Variants in HPCAL1 observed in about 807,000 individuals in gnomAD.
The protein encoded by HPCAL1 is hippocalcin like 1, also known as hippocalcin-like protein 1.
Under a neutral mutation model 17.1 loss-of-function variants are expected in HPCAL1, and 8 were observed. That is an observed-to-expected ratio of 0.47 (90% CI 0.27 to 0.84). The LOEUF (loss-of-function observed/expected upper bound fraction) is 0.84. Among genes scored for constraint, HPCAL1 ranks in the 40% least tolerant of loss-of-function variants. The pLI, the probability that HPCAL1 is intolerant of heterozygous loss-of-function variation, is 0.13. For missense variants in HPCAL1, 165 were observed against 271.1 expected, an observed-to-expected ratio of 0.61 and a Z score of 2.75; for synonymous variants, 112 against 111.4, an observed-to-expected ratio of 1.01 and a Z score of -0.03.
At chr2:10,324,816 G>GTTTTTTTTTTTT (rs3036350) in intron 1 of HPCAL1, among the ~76,000 whole-genome samples, 4 of 66,382 alleles carry the variant, frequency 6.0e-5, no homozygotes, top group Non-Finnish European at 1.0e-4. Context: ...TGGTTTTTGT[G>GTTTTTTTTTTTT]TTTTTTTTTT....
chr2:10,363,749 G>C lies in HPCAL1; in HGVS notation c.-110-33086G>C, dbSNP rs1295594752. ...ACAGTTTGGGCACGGCAAGGCTGGG[G>C]AGCCAGGCTTGTTTCGGATCTCCAG... On this transcript the variant is annotated intron_variant, in intron 1 of 4. Coordinates refer to ENST00000307845, the MANE Select transcript of HPCAL1 (RefSeq NM_002149.4). The surrounding 1 kb of genome is among the most constrained non-coding windows in gnomAD (Gnocchi z 4.7). Among the ~76,000 whole-genome samples, 1 of 152,234 alleles carries C rather than the reference G, an allele frequency of 6.6e-6. No homozygotes were observed. Among genetic ancestry groups the C allele is most frequent in the South Asian group, 2.1e-4 (1 of 4,834 alleles).
intron 2 of HPCAL1, among the ~76,000 whole-genome samples, chr2:10,417,067 A>G (rs748686927): frequency 2.0e-5 from 3 of 152,148 alleles, no homozygotes; most frequent in Non-Finnish European, 4.4e-5. Flanking sequence ...CTCTCTTAAT[A>G]AAAAGTCCCC....
Position 10,333,203 on chromosome 2 carries a change from G to A in HPCAL1, c.-111+30026G>A, listed in dbSNP as rs992711856. On this transcript the variant is annotated intron_variant, in intron 1 of 4. Transcript: ENST00000307845. ...TTTTAAAGTTTACTAATTTCCCTAC[G>A]ATAAAACTAATGCATTTTCACAGGA... Among the ~76,000 whole-genome samples, 12 of 152,304 alleles carry A rather than the reference G, an allele frequency of 7.9e-5. 1 individual carries two copies. The highest frequency in any genetic ancestry group is 6.5e-5 in the Admixed American group (1 of 15,296).
chr2:10,383,676 CA>C (rs79560781), intron 1 of HPCAL1, among the ~76,000 whole-genome samples: 8 of 128,056 alleles, frequency 6.2e-5, no homozygotes, highest in Admixed American at 8.1e-5. Context: ...GACCCTTTCT[CA>C]AAAAAAAAAG....
intron 1 of HPCAL1, among the ~76,000 whole-genome samples, chr2:10,351,873 C>A (rs1665860949): frequency 6.6e-6 from 1 of 151,802 alleles, no homozygotes; most frequent in African/African-American, 2.4e-5. Context: ...AGTTGTGTCA[C>A]CATTGAGTTC....
chr2:10,327,428 G>C (rs1253766187), intron 1 of HPCAL1, among the ~76,000 whole-genome samples: 1 of 152,142 alleles, frequency 6.6e-6, no homozygotes, highest in East Asian at 1.9e-4. Flanking sequence ...CTGGTTCTTT[G>C]CTTCCTGGCC....
intron 1 of HPCAL1, among the ~76,000 whole-genome samples, chr2:10,311,944 GTCATCATCACCA>G (rs1162491014): frequency 1.3e-5 from 2 of 148,430 alleles, no homozygotes; most frequent in East Asian, 4.0e-4. Flanking sequence ...CATCATCACT[GTCATCATCACCA>G]TCATCATCAC....
At position 10,377,239 on chromosome 2, in the gene HPCAL1, G is replaced by A. The variant is rs1380732647; in HGVS notation, c.-110-19596G>A. Among the ~76,000 whole-genome samples the A allele has an allele frequency of 1.3e-5, 2 of 152,152 alleles. No homozygotes were observed. Among genetic ancestry groups the A allele is most frequent in the Non-Finnish European group, 2.9e-5 (2 of 68,032 alleles). ...AGGAGGCTGCCACGCAGGCCGCGCC[G>A]CCCCGAATGGCAGGTGGAAGGCGGC... is the stretch of plus-strand genomic sequence containing the variant. On this transcript the variant is annotated intron_variant, in intron 1 of 4. Coordinates refer to ENST00000307845, the MANE Select transcript of HPCAL1 (RefSeq NM_002149.4). The surrounding 1 kb of genome is among the most constrained non-coding windows in gnomAD (Gnocchi z 5.9).
chr2:10,307,763 C>G (rs1662714391), intron 1 of HPCAL1, among the ~76,000 whole-genome samples: 3 of 152,174 alleles, frequency 2.0e-5, no homozygotes, highest in Non-Finnish European at 4.4e-5. Context: ...ACCCACTCTT[C>G]CGGCACAGCG....
At chr2:10,348,070 G>C (rs960868353) in intron 1 of HPCAL1, among the ~76,000 whole-genome samples, 1 of 152,178 alleles carries the variant, frequency 6.6e-6, no homozygotes, top group African/African-American at 2.4e-5. Context: ...AAGTTCAAGG[G>C]GGCAGGGATT....
At chr2:10,378,936 G>A (rs540605515) in intron 1 of HPCAL1, among the ~76,000 whole-genome samples, 58 of 152,248 alleles carry the variant, frequency 3.8e-4, no homozygotes, top group Non-Finnish European at 7.6e-4. Context: ...ACAGCGAGGC[G>A]GACAGACTCA....
intron 2 of HPCAL1, among the ~76,000 whole-genome samples, chr2:10,406,684 C>T (rs1669990895): frequency 6.6e-6 from 1 of 152,258 alleles, no homozygotes; most frequent in Admixed American, 6.5e-5. Flanking sequence ...TAGCCTGGCC[C>T]TGGCACGGGT....
intron 2 of HPCAL1, among the ~76,000 whole-genome samples, chr2:10,416,313 G>A (rs562345961): frequency 3.6e-4 from 55 of 152,352 alleles, no homozygotes; most frequent in African/African-American, 1.3e-3. Context: ...GCGATGCCCT[G>A]GGCACTGTGC....
intron 2 of HPCAL1, among the ~76,000 whole-genome samples, chr2:10,418,066 A>T (rs1054159298): frequency 1.8e-4 from 27 of 152,014 alleles, no homozygotes; most frequent in East Asian, 3.9e-4. Flanking sequence ...ATAGATAGAT[A>T]GATTGATTGA....
intron 1 of HPCAL1, among the ~76,000 whole-genome samples, chr2:10,381,739 G>A (rs1382923483): frequency 1.3e-5 from 2 of 152,194 alleles, no homozygotes; most frequent in Non-Finnish European, 2.9e-5. Flanking sequence ...ACACCGATGA[G>A]AATGGCCCAA....
intron 1 of HPCAL1, among the ~76,000 whole-genome samples, chr2:10,378,125 C>T (rs1667697532): frequency 6.6e-6 from 1 of 151,636 alleles, no homozygotes. Context: ...CATGGCGGGA[C>T]CCTAAGGATG....
intron 2 of HPCAL1, among the ~76,000 whole-genome samples, chr2:10,406,876 C>A (rs1670004569): frequency 6.6e-6 from 1 of 152,220 alleles, no homozygotes; most frequent in African/African-American, 2.4e-5. Context: ...GGAAGGGGAG[C>A]ATTCTCTTGG....
intron 1 of HPCAL1, among the ~76,000 whole-genome samples, chr2:10,376,135 C>T (rs879896765): frequency 1.3e-5 from 2 of 152,208 alleles, no homozygotes; most frequent in South Asian, 2.1e-4. Flanking sequence ...CCACCATGAT[C>T]GTAAGCTACA....
At chr2:10,373,669 C>T (rs1558496235) in intron 1 of HPCAL1, among the ~76,000 whole-genome samples, 1 of 152,008 alleles carries the variant, frequency 6.6e-6, no homozygotes, top group African/African-American at 2.4e-5. Context: ...CAGCCTCCAC[C>T]GTCCAGCCTC....
Sources: allele counts gnomAD v4.1 joint callset (sites outside exome capture counted in the v4.1 genomes callset), GRCh38; gene constraint gnomAD v4.1.1; non-coding constraint Gnocchi (gnomAD v3.1); transcripts MANE v1.5; gene names NCBI Gene and HGNC (gene_info 2026-07-23, HGNC 2026-07-21).